Variants in IRF2 observed in about 807,000 individuals in gnomAD.
IRF2 encodes interferon regulatory factor 2.
A neutral mutation model predicts 40.6 loss-of-function variants in IRF2; 15 were observed. The observed-to-expected ratio is 0.37, with a 90% CI of 0.25 to 0.57. IRF2 has a LOEUF of 0.57. IRF2 is among the 20% of genes least tolerant of loss of function. IRF2 has a pLI of 0.77. For synonymous variants in IRF2, 151 were observed against 165.5 expected (o/e 0.91, Z 0.67); for missense variants, 317 against 455.7 (o/e 0.70, Z 2.77).
chr4:184,439,414 C>T (rs1307005608), intron 1 of IRF2, among the ~76,000 whole-genome samples: 1 of 148,258 alleles, frequency 6.7e-6, no homozygotes, highest in Non-Finnish European at 1.5e-5. Context: ...TTTTTATTAT[C>T]CTAGAATAAT....
intron 1 of IRF2, among the ~76,000 whole-genome samples, chr4:184,439,313 TA>T (rs35943221): frequency 0.32 from 31,233 of 96,104 alleles, 3,839 homozygotes; most frequent in African/African-American, 0.42. Flanking sequence ...CTTAAAACTT[TA>T]AAAAAAAAAA....
rs1455711887 is a variant in IRF2, at chr4:184,402,237, GT to G, written c.530-3159del. Among the ~76,000 whole-genome samples the G allele has an allele frequency of 1.3e-5, 2 of 152,182 alleles. 1 individual carries two copies. The highest frequency in any genetic ancestry group is 4.1e-4 in the South Asian group (2 of 4,828). ...ACAATGGAAGCTAGAGAAGTGGGGTGTTTTTTCCAGTTTGAGGAATCAAAGG... is the reference window on the plus strand; with the variant it reads ...ACAATGGAAGCTAGAGAAGTGGGGTGTTTTTCCAGTTTGAGGAATCAAAGG... On this transcript the variant is annotated intron_variant, in intron 6 of 8. Transcript: ENST00000393593.
chr4:184,430,363 A>AG (rs1378642835), intron 1 of IRF2, among the ~76,000 whole-genome samples: 75 of 150,862 alleles, frequency 5.0e-4, no homozygotes, highest in East Asian at 7.8e-4. Context: ...AGTCTGGCCC[A>AG]CTGACTGCTG....
chr4:184,467,836 A>C (rs1024133446), intron 1 of IRF2, among the ~76,000 whole-genome samples: 3 of 152,272 alleles, frequency 2.0e-5, no homozygotes, highest in African/African-American at 7.2e-5. Flanking sequence ...GAAATTATTT[A>C]TGAAAATCAC....
At chr4:184,443,109 A>G (rs1403892968) in intron 1 of IRF2, among the ~76,000 whole-genome samples, 1 of 152,142 alleles carries the variant, frequency 6.6e-6, no homozygotes, top group Non-Finnish European at 1.5e-5. Flanking sequence ...CATTTTTAGT[A>G]GAGATGGGGT....
chr4:184,393,651 T>G (rs540153204), intron 7 of IRF2, among the ~76,000 whole-genome samples: 1 of 152,346 alleles, frequency 6.6e-6, no homozygotes, highest in Admixed American at 6.5e-5. Flanking sequence ...TCCGAACTTA[T>G]GTTTTCAGCT....
chr4:184,401,670 A>G (rs1736670544), intron 6 of IRF2, among the ~76,000 whole-genome samples: 1 of 152,192 alleles, frequency 6.6e-6, no homozygotes, highest in African/African-American at 2.4e-5. Context: ...GCAGGAAAAC[A>G]AGATAATGGC....
chr4:184,433,015 C>T (rs1037272808), intron 1 of IRF2, among the ~76,000 whole-genome samples: 34 of 152,186 alleles, frequency 2.2e-4, no homozygotes, highest in African/African-American at 7.7e-4. Context: ...GGCAAGGTGG[C>T]CCCTGTGGAC....
chr4:184,422,084 C>A (rs1025323501), intron 2 of IRF2, among the ~76,000 whole-genome samples: 2 of 152,284 alleles, frequency 1.3e-5, no homozygotes, highest in African/African-American at 2.4e-5. Flanking sequence ...TCCTCCCTCT[C>A]TTGCCATGTA....
intron 1 of IRF2, among the ~76,000 whole-genome samples, chr4:184,453,772 T>C: frequency 6.6e-6 from 1 of 152,184 alleles, no homozygotes; most frequent in East Asian, 1.9e-4. Flanking sequence ...CGGCAGGACC[T>C]GAATTACCTG....
intron 5 of IRF2, among the ~76,000 whole-genome samples, chr4:184,409,950 CA>C (rs200206058): frequency 5.3e-5 from 8 of 150,548 alleles, no homozygotes; most frequent in African/African-American, 2.0e-4. Context: ...AAACAAAAAA[CA>C]AAAAAAACCC....
At chr4:184,394,665 C>A (rs992272882) in intron 7 of IRF2, among the ~76,000 whole-genome samples, 1 of 148,752 alleles carries the variant, frequency 6.7e-6, no homozygotes, top group East Asian at 1.9e-4. Context: ...GTGAGTCCTT[C>A]AGATGATGTT....
chr4:184,418,242 T>G, intron 4 of IRF2, 29 bp from the exon 5 acceptor site: 1 of 1,572,580 alleles, frequency 6.4e-7, no homozygotes, highest in Non-Finnish European at 8.8e-7. Flanking sequence ...AGTTTTGGAT[T>G]AATTCACGAA....
At chr4:184,458,282 A>G (rs963205245) in intron 1 of IRF2, among the ~76,000 whole-genome samples, 1 of 152,212 alleles carries the variant, frequency 6.6e-6, no homozygotes, top group African/African-American at 2.4e-5. Context: ...CTGTGCTTCC[A>G]TGAAGCCCAT....
chr4:184,449,655 C>A (rs147652554), intron 1 of IRF2, among the ~76,000 whole-genome samples: 1 of 152,158 alleles, frequency 6.6e-6, no homozygotes, highest in East Asian at 1.9e-4. Flanking sequence ...TGCACCAATG[C>A]GTGGGAAATG....
At chr4:184,436,759 T>A (rs1422412439) in intron 1 of IRF2, among the ~76,000 whole-genome samples, 2 of 152,190 alleles carry the variant, frequency 1.3e-5, no homozygotes, top group African/African-American at 4.8e-5. Flanking sequence ...GCAACTGTCT[T>A]ATGCACCAAC....
At chr4:184,437,200 C>A (rs764898083) in intron 1 of IRF2, among the ~76,000 whole-genome samples, 9 of 152,194 alleles carry the variant, frequency 5.9e-5, no homozygotes, top group Non-Finnish European at 1.0e-4. Context: ...AGATTACAGG[C>A]ATGCGCCACC....
chr4:184,430,817 T>G (rs928626757), intron 1 of IRF2, among the ~76,000 whole-genome samples: 1 of 152,004 alleles, frequency 6.6e-6, no homozygotes, highest in Non-Finnish European at 1.5e-5. Context: ...CACCTCAGCC[T>G]CCCAGTAGCT....
intron 1 of IRF2, among the ~76,000 whole-genome samples, chr4:184,463,813 G>A (rs937079028): frequency 6.6e-6 from 1 of 152,080 alleles, no homozygotes; most frequent in Non-Finnish European, 1.5e-5. Flanking sequence ...GGAGATTTGA[G>A]GTCTTCAGTT....
Sources: gnomAD v4.1 joint callset for allele counts (sites outside exome capture counted in the v4.1 genomes callset) on GRCh38, gnomAD v4.1.1 for gene constraint, MANE v1.5 for transcripts, NCBI Gene and HGNC (gene_info 2026-07-23, HGNC 2026-07-21) for gene names.